HSPA4L: variants seen among roughly 807,000 people sequenced by gnomAD.
HSPA4L encodes the protein heat shock protein family A (Hsp70) member 4 like.
A neutral mutation model predicts 100.3 loss-of-function variants in HSPA4L; 48 were observed. The ratio of observed to expected loss-of-function variants is 0.48; its 90% confidence interval spans 0.38 to 0.61. HSPA4L has a LOEUF of 0.61. Ranked by LOEUF, HSPA4L falls within the 20% of genes least tolerant of loss-of-function variation. The pLI is 0.00. For synonymous variants in HSPA4L, 319 were observed against 328.2 expected, an observed-to-expected ratio of 0.97 and a Z score of 0.30; for missense variants, 886 against 988.6, an observed-to-expected ratio of 0.90 and a Z score of 1.39.
intron 8 of HSPA4L, 79 bp downstream of exon 8, chr4:127,804,166 T>C (rs948554379): frequency 5.5e-6 from 6 of 1,093,458 alleles, no homozygotes; most frequent in Non-Finnish European, 8.1e-6. Flanking sequence ...ATAAAATAAA[T>C]TTTTAAAACT....
intron 1 of HSPA4L, among the ~76,000 whole-genome samples, chr4:127,791,963 G>A (rs1039533460): frequency 6.6e-6 from 1 of 152,144 alleles, no homozygotes; most frequent in African/African-American, 2.4e-5. Flanking sequence ...CTAACAGTGT[G>A]CCAGGCATAT....
intron 2 of HSPA4L, 91 bp downstream of exon 2, chr4:127,794,225 T>C (rs1415419818): frequency 1.0e-6 from 1 of 962,792 alleles, no homozygotes; most frequent in Non-Finnish European, 1.6e-6. Flanking sequence ...TAAGAGTGAA[T>C]AAGAGAGTGA....
At chr4:127,783,403 T>G in intron 1 of HSPA4L, 1 of 975,742 alleles carries the variant, frequency 1.0e-6, no homozygotes, top group Non-Finnish European at 1.4e-6. Context: ...TTCTGCAGAG[T>G]GAATTGCCGG....
At chr4:127,783,688 G>A in intron 1 of HSPA4L, 1 of 1,534,966 alleles carries the variant, frequency 6.5e-7, no homozygotes, top group Non-Finnish European at 8.7e-7. Flanking sequence ...AAGGTAATTT[G>A]GCATCTTAAT....
chr4:127,830,556 A>G (rs1734052227), intron 17 of HSPA4L, 82 bp from the exon 18 acceptor site: 9 of 1,141,854 alleles, frequency 7.9e-6, no homozygotes, highest in East Asian at 2.6e-5. Flanking sequence ...AAGAGTCTAA[A>G]TTTTTAAAGT....
intron 10 of HSPA4L, 71 bp downstream of exon 10, chr4:127,805,864 T>G (rs1733341953): frequency 1.0e-6 from 1 of 963,902 alleles, no homozygotes; most frequent in South Asian, 1.8e-5. Flanking sequence ...CTTTTCTAAA[T>G]TAGAGAAATT....
At chr4:127,805,028 G>T (rs775689798) in intron 8 of HSPA4L, 45 bp from the exon 9 acceptor site, 4 of 1,353,678 alleles carry the variant, frequency 3.0e-6, no homozygotes, top group Non-Finnish European at 4.1e-6. Flanking sequence ...CTTCTGTTGA[G>T]ATTTTTAAAG....
rs1221308182 is a variant in HSPA4L, at chr4:127,833,965, T to C, written c.*1091T>C. 1.3e-5 allele frequency: 2 copies of C among 152,174 alleles called. No individual in the cohort carries two copies. The highest frequency in any genetic ancestry group is 4.8e-5 in the African/African-American group (2 of 41,452). The allele number at this position is 152,174 out of a possible 1,614,324, so 9.4% of individuals were successfully genotyped here. The stretch of plus-strand genomic sequence containing the variant: ...CAAAAATATAGAATGTTACATAGTG[T>C]TGTGTGATTAAATTATAGTTCCTGC... On this transcript the variant is annotated 3_prime_UTR_variant, in exon 19 of 19. Coordinates refer to ENST00000296464, the MANE Select transcript of HSPA4L (RefSeq NM_014278.4).
rs186581494 is a variant in HSPA4L, at chr4:127,839,837, G to T, written c.*6963G>T. ...GAAAAGTGGCTTTTATATTTGGTAG[G>T]ATAAAGCCATTGTCCTTTAATACCA... is the stretch of plus-strand genomic sequence containing the variant. On this transcript the variant is annotated 3_prime_UTR_variant, in exon 19 of 19. Coordinates refer to ENST00000296464, the MANE Select transcript of HSPA4L (RefSeq NM_014278.4). 9.2e-5 allele frequency: 14 copies of T among 152,238 alleles called. No homozygotes were observed. Among genetic ancestry groups the T allele is most frequent in the African/African-American group, 3.4e-4 (14 of 41,546 alleles). 9.4% of individuals were successfully genotyped at this position (152,238 alleles called of 1,614,324 possible). A position where few individuals can be genotyped will look rare whatever the true frequency, so the allele number is the denominator to read the frequency against.
chr4:127,785,075 CAAG>C (rs1209952509), intron 1 of HSPA4L, among the ~76,000 whole-genome samples: 4 of 152,020 alleles, frequency 2.6e-5, no homozygotes, highest in African/African-American at 9.7e-5. Flanking sequence ...CCATATAAAC[CAAG>C]AAGGACAGTT....
rs773485249 is a variant in HSPA4L at position 127,803,829 on chromosome 4, T to G, written c.864T>G (p.Ile288Met). ...SANASDLPLN[I>M]ECFMNDLDVS... ...ATGCATCAGATCTTCCATTGAACAT[T>G]GAGTGTTTCATGAATGACCTTGATG... Residue 288 changes from isoleucine (I) to methionine (M), a missense_variant, in exon 7 of 19, where the codon ATT (isoleucine) becomes ATG (methionine). By Grantham distance (10) the Ile-to-Met change is conservative. Transcript: ENST00000296464. 2.5e-6 allele frequency: 4 copies of G among 1,613,924 alleles called. No homozygotes were observed. In the South Asian group the frequency reaches 3.3e-5, roughly 13 times the overall value.
Position 127,795,574 on chromosome 4 carries a change from G to A in HSPA4L, c.166-194G>A, listed in dbSNP as rs374058606. Among the ~76,000 whole-genome samples the A allele has an allele frequency of 4.3e-4, 66 of 152,210 alleles. No homozygotes were observed. In the South Asian group the frequency reaches 0.013, roughly 30 times the overall value. ...CCAGGATAGGTGGATAATTTGGGAG[G>A]CAAGTGTTAAAATGTGTACATTCTC... On this transcript the variant is annotated intron_variant, in intron 2 of 18. Coordinates refer to ENST00000296464, the MANE Select transcript of HSPA4L (RefSeq NM_014278.4).
At chr4:127,819,661 G>T (rs1453792693) in intron 13 of HSPA4L, among the ~76,000 whole-genome samples, 2 of 151,944 alleles carry the variant, frequency 1.3e-5, no homozygotes, top group African/African-American at 2.4e-5. Flanking sequence ...CCCTCTCCCT[G>T]CCAGCCACAG....
rs150981412 is a variant in HSPA4L, at chr4:127,828,102, T to C, written c.2166+678T>C. 2.5e-3 allele frequency among the ~76,000 whole-genome samples: 379 copies of C among 152,228 alleles called. 2 individuals carry two copies. The highest frequency in any genetic ancestry group is 8.5e-3 in the African/African-American group (353 of 41,564). On this transcript the variant is annotated intron_variant, in intron 17 of 18. Coordinates refer to ENST00000296464, the MANE Select transcript of HSPA4L (RefSeq NM_014278.4). ...TACTGTGTCTGTACAGCTATTCTTA[T>C]CTGCCACTGTAGCACAAAAGTACCA...
At chr4:127,828,230 C>T (rs187557446) in intron 17 of HSPA4L, among the ~76,000 whole-genome samples, 42 of 152,026 alleles carry the variant, frequency 2.8e-4, no homozygotes, top group Non-Finnish European at 4.9e-4. Flanking sequence ...GTTTTTTAAT[C>T]CCTACTCTAA....
intron 4 of HSPA4L, among the ~76,000 whole-genome samples, chr4:127,800,361 A>G (rs1032794118): frequency 8.6e-5 from 13 of 152,016 alleles, no homozygotes; most frequent in South Asian, 2.1e-4. Flanking sequence ...TCAGCTACTC[A>G]GGGGGCTGAA....
Position 127,805,331 on chromosome 4 carries a change from A to G in HSPA4L, c.1137+107A>G, listed in dbSNP as rs1733323515. ...TGTTCCATCCACTTATCAATAAGCT[A>G]AAGTAAATTGAAGTTATTTCTGATA... On this transcript the variant is annotated intron_variant, in intron 9 of 18. Coordinates refer to ENST00000296464, the MANE Select transcript of HSPA4L (RefSeq NM_014278.4). The G allele has an allele frequency of 1.4e-5, 11 of 810,038 alleles. No homozygotes were observed. The South Asian group carries it at 2.8e-4, about 21-fold the overall frequency. The allele number at this position is 810,038 out of a possible 1,614,324, so 50.2% of individuals were successfully genotyped here.
intron 1 of HSPA4L, among the ~76,000 whole-genome samples, chr4:127,786,455 T>C (rs1732721036): frequency 6.6e-6 from 1 of 152,194 alleles, no homozygotes; most frequent in East Asian, 1.9e-4. Context: ...TTTAAAAACA[T>C]TATTTTAATA....
At chr4:127,819,495 T>G (rs545063439) in intron 13 of HSPA4L, among the ~76,000 whole-genome samples, 1 of 152,218 alleles carries the variant, frequency 6.6e-6, no homozygotes, top group African/African-American at 2.4e-5. Context: ...AACAGCTTTA[T>G]TGAGATATAG....
Sources: gnomAD v4.1 joint callset for allele counts (sites outside exome capture counted in the v4.1 genomes callset) on GRCh38, gnomAD v4.1.1 for gene constraint, MANE v1.5 for transcripts, NCBI Gene and HGNC (gene_info 2026-07-23, HGNC 2026-07-21) for gene names.